IFT43: variants seen among roughly 807,000 people sequenced by gnomAD.
IFT43 encodes intraflagellar transport 43.
In IFT43, 33 loss-of-function variants were observed where a neutral mutation model predicts 32.3. The ratio of observed to expected loss-of-function variants is 1.02; its 90% CI spans 0.77 to 1.37. The LOEUF is 1.37. IFT43 is among the 40% of genes most tolerant of loss of function. The pLI is 0.00. For synonymous variants in IFT43, 93 were observed against 98.2 expected (o/e 0.95, Z 0.31); for missense variants, 274 against 265.9 (o/e 1.03, Z -0.21).
At chr14:75,993,397 G>T (rs1026240229) in intron 2 of IFT43, among the ~76,000 whole-genome samples, 1 of 152,220 alleles carries the variant, frequency 6.6e-6, no homozygotes, top group African/African-American at 2.4e-5. Context: ...TGCTGCAGCT[G>T]CTGATAGCTT....
intron 2 of IFT43, among the ~76,000 whole-genome samples, chr14:76,001,701 A>AT (rs1211888217): frequency 6.6e-6 from 1 of 152,176 alleles, no homozygotes; most frequent in East Asian, 1.9e-4. Flanking sequence ...AGAGTGAGTA[A>AT]TTTATGAACA....
chr14:76,045,869 G>T (rs1282981863), intron 3 of IFT43, among the ~76,000 whole-genome samples: 3 of 152,206 alleles, frequency 2.0e-5, no homozygotes, highest in Non-Finnish European at 4.4e-5. Context: ...TGGGCTCATT[G>T]TCACCCCAAA....
intron 2 of IFT43, among the ~76,000 whole-genome samples, chr14:76,015,486 G>A (rs550710429): frequency 1.3e-5 from 2 of 152,194 alleles, no homozygotes; most frequent in Non-Finnish European, 2.9e-5. Flanking sequence ...CAATGTTGGG[G>A]TGGAGGAAAT....
chr14:76,019,456 C>A (rs2036250894), intron 2 of IFT43, among the ~76,000 whole-genome samples: 1 of 151,884 alleles, frequency 6.6e-6, no homozygotes, highest in African/African-American at 2.4e-5. Context: ...CTGGGAATTC[C>A]CTTTTATGTG....
intron 2 of IFT43, among the ~76,000 whole-genome samples, chr14:76,010,747 A>G (rs1431556531): frequency 6.6e-6 from 1 of 152,132 alleles, no homozygotes; most frequent in Non-Finnish European, 1.5e-5. Flanking sequence ...ATTTCCTAAC[A>G]CTATTACCCA....
chr14:76,058,328 A>T (rs2037064127), intron 3 of IFT43: 2 of 355,104 alleles, frequency 5.6e-6, no homozygotes, highest in Non-Finnish European at 1.1e-5. Flanking sequence ...TAAATCAGTC[A>T]GTTAATTGCT....
At chr14:76,079,035 A>T (rs147919259) in intron 5 of IFT43, among the ~76,000 whole-genome samples, 1 of 152,216 alleles carries the variant, frequency 6.6e-6, no homozygotes, top group South Asian at 2.1e-4. Context: ...AAGAGAGGAC[A>T]TTAAGTTTCA....
intron 2 of IFT43, among the ~76,000 whole-genome samples, chr14:76,002,479 T>C (rs2035906785): frequency 6.6e-6 from 1 of 151,904 alleles, no homozygotes; most frequent in Non-Finnish European, 1.5e-5. Flanking sequence ...GACTGGATAT[T>C]TCAGAGATGG....
intron 2 of IFT43, among the ~76,000 whole-genome samples, chr14:76,018,103 G>A (rs560886916): frequency 6.8e-6 from 1 of 147,862 alleles, no homozygotes; most frequent in African/African-American, 2.5e-5. Context: ...GGTTTAGCTG[G>A]TTCCTGCATT....
In IFT43 at chr14:76,078,777, G is replaced by C. The variant is rs1485741193; in HGVS notation, c.296-3518G>C. On this transcript the variant is annotated intron_variant, in intron 5 of 8. Coordinates refer to ENST00000314067, the MANE Select transcript of IFT43 (RefSeq NM_001102564.3). The stretch of plus-strand genomic sequence containing the variant: ...GGGGATACCGGCTCCCATGGTGCCG[G>C]GGGTGTCACAGCCCTCTTACCTCAC... Among the ~76,000 whole-genome samples, 4 of 152,322 alleles carry C rather than the reference G, an allele frequency of 2.6e-5. No homozygotes were observed. In the East Asian group the frequency reaches 7.7e-4, roughly 29 times the overall value.
intron 2 of IFT43, among the ~76,000 whole-genome samples, chr14:76,007,666 AT>A (rs2036005146): frequency 6.6e-6 from 1 of 152,202 alleles, no homozygotes; most frequent in East Asian, 1.9e-4. Context: ...TGCTGGGTTG[AT>A]TTTAATAAAC....
intron 3 of IFT43, among the ~76,000 whole-genome samples, chr14:76,050,553 C>T (rs1176030725): frequency 2.6e-5 from 4 of 152,028 alleles, no homozygotes; most frequent in African/African-American, 9.7e-5. Flanking sequence ...AACTCGTGGG[C>T]TGAAGTGATT....
intron 3 of IFT43, among the ~76,000 whole-genome samples, chr14:76,040,576 T>C (rs946954594): frequency 1.3e-4 from 20 of 152,232 alleles, no homozygotes; most frequent in Admixed American, 1.2e-3. Context: ...TTCTAGGTTA[T>C]GTTCATTGCA....
intron 5 of IFT43, among the ~76,000 whole-genome samples, chr14:76,071,038 A>G (rs1457312943): frequency 1.3e-5 from 2 of 152,144 alleles, no homozygotes; most frequent in African/African-American, 4.8e-5. Flanking sequence ...TGTTTTCCTA[A>G]GTTCGGAGTT....
At chr14:76,076,771 C>A in intron 5 of IFT43, 1 of 1,498,522 alleles carries the variant, frequency 6.7e-7, no homozygotes, top group Non-Finnish European at 9.2e-7. Flanking sequence ...TTTTAGTGTG[C>A]GCATGTGATG....
At chr14:76,047,270 C>A (rs1044931004) in intron 3 of IFT43, among the ~76,000 whole-genome samples, 1 of 152,164 alleles carries the variant, frequency 6.6e-6, no homozygotes, top group Non-Finnish European at 1.5e-5. Flanking sequence ...TAGAGCTCAG[C>A]ACGTATACCT....
At position 75,986,017 on chromosome 14, in the gene IFT43, T is replaced by C; in HGVS notation, c.54+177T>C. ...CCCAGGCCACTGTGGGCTCCGCCGCTGCTGGCCTGGGGTTTGCTTTCTTTA... is the reference window on the plus strand; with the variant it reads ...CCCAGGCCACTGTGGGCTCCGCCGCCGCTGGCCTGGGGTTTGCTTTCTTTA... On this transcript the variant is annotated intron_variant, in intron 1 of 8. Transcript: ENST00000314067. 2.6e-6 allele frequency: 4 copies of C among 1,526,338 alleles called. No homozygotes were observed. The Admixed American group carries it at 7.9e-5, about 30-fold the overall frequency. The allele number at this position is 1,526,338 out of a possible 1,614,324, so 94.5% of individuals were successfully genotyped here. A position where few individuals can be genotyped will look rare whatever the true frequency, so the allele number is the denominator to read the frequency against.
At chr14:76,011,627 T>G (rs546624156) in intron 2 of IFT43, among the ~76,000 whole-genome samples, 21 of 152,370 alleles carry the variant, frequency 1.4e-4, no homozygotes, top group Non-Finnish European at 2.5e-4. Flanking sequence ...GCTTTAGCAC[T>G]CACTGATGAT....
At chr14:75,986,346 C>T (rs2035527169) in intron 1 of IFT43, 1 of 1,161,536 alleles carries the variant, frequency 8.6e-7, no homozygotes, top group Non-Finnish European at 1.1e-6. Context: ...ACCTCAGTTA[C>T]CTCAGTAGTT....
Sources: allele counts gnomAD v4.1 joint callset (sites outside exome capture counted in the v4.1 genomes callset), GRCh38; gene constraint gnomAD v4.1.1; transcripts MANE v1.5; gene names NCBI Gene and HGNC (gene_info 2026-07-23, HGNC 2026-07-21).